TMEM132D: variants seen among roughly 807,000 people sequenced by gnomAD.
TMEM132D encodes the protein mature OL transmembrane protein.
Under a neutral mutation model 62.3 loss-of-function variants are expected in TMEM132D, and 21 were observed. The ratio of observed to expected loss-of-function variants is 0.34; its 90% CI spans 0.24 to 0.49. The LOEUF (loss-of-function observed/expected upper bound fraction) is 0.49, where lower values mean the gene tolerates loss of function less well. TMEM132D is among the 20% of genes least tolerant of loss of function. The pLI is 0.99. For missense variants in TMEM132D, 1,346 were observed against 1,402.8 expected (o/e 0.96, Z 0.65); for synonymous variants, 621 against 575.6 (o/e 1.08, Z -1.13).
At chr12:129,472,112 A>T (rs1874108777) in intron 3 of TMEM132D, among the ~76,000 whole-genome samples, 1 of 152,270 alleles carries the variant, frequency 6.6e-6, no homozygotes, top group East Asian at 1.9e-4. Flanking sequence ...ACTGAACTAC[A>T]GATTTGCCAT....
At chr12:129,554,851 G>T (rs1044790608) in intron 2 of TMEM132D, among the ~76,000 whole-genome samples, 1 of 152,162 alleles carries the variant, frequency 6.6e-6, no homozygotes, top group Non-Finnish European at 1.5e-5. Context: ...AACTAGATCA[G>T]ATTCTCCTTC....
chr12:129,229,521 A>T (rs1879578109), intron 4 of TMEM132D, among the ~76,000 whole-genome samples: 1 of 152,230 alleles, frequency 6.6e-6, no homozygotes, highest in Non-Finnish European at 1.5e-5. Flanking sequence ...ATGGGTTCTC[A>T]GTCCTCTACT....
intron 5 of TMEM132D, among the ~76,000 whole-genome samples, chr12:129,191,582 G>C (rs1206387093): frequency 6.6e-6 from 1 of 151,534 alleles, no homozygotes; most frequent in African/African-American, 2.4e-5. Flanking sequence ...TTTCTCCTCT[G>C]TAAAGGAAAC....
At chr12:129,513,709 T>G (rs1875566920) in intron 3 of TMEM132D, among the ~76,000 whole-genome samples, 1 of 151,272 alleles carries the variant, frequency 6.6e-6, no homozygotes. Flanking sequence ...ATGGTCTCGA[T>G]CTCCTGACCT....
intron 1 of TMEM132D, among the ~76,000 whole-genome samples, chr12:129,782,773 T>TTCTGATAAATCCAGGTAAG (rs1174850531): frequency 6.6e-6 from 1 of 151,852 alleles, no homozygotes; most frequent in Non-Finnish European, 1.5e-5. Context: ...ACAGGTGTAT[T>TTCTGATAAATCCAGGTAAG]TCTGATAAAT....
At chr12:129,692,929 C>G (rs114124324) in intron 2 of TMEM132D, among the ~76,000 whole-genome samples, 2,013 of 152,172 alleles carry the variant, frequency 0.013, 57 homozygotes, top group African/African-American at 0.044. Context: ...TGCAGCAAAC[C>G]ACCACGGCAC....
At chr12:129,650,946 G>A (rs1331738040) in intron 2 of TMEM132D, among the ~76,000 whole-genome samples, 1 of 152,234 alleles carries the variant, frequency 6.6e-6, no homozygotes, top group Non-Finnish European at 1.5e-5. Context: ...AAGGAGGCAT[G>A]TCTAAGCCCT....
intron 4 of TMEM132D, among the ~76,000 whole-genome samples, chr12:129,297,789 G>A (rs989772349): frequency 1.3e-5 from 2 of 152,104 alleles, no homozygotes; most frequent in South Asian, 2.1e-4. Context: ...TGATTTCCTC[G>A]TCAGGCTGCA....
At position 129,075,075 on chromosome 12, in the gene TMEM132D, T is replaced by C; in HGVS notation, c.2116-16A>G. 1.3e-6 allele frequency: 2 copies of C among 1,588,424 alleles called. No homozygotes were observed. Among genetic ancestry groups the C allele is most frequent in the Admixed American group, 1.7e-5 (1 of 58,122 alleles). The stretch of plus-strand genomic sequence containing the variant: ...TGGCTGCTTCCTATGGAGAAAAATA[T>C]GTAAGTTAATCAAATGGGCCAAAAA... On this transcript the variant is annotated splice_polypyrimidine_tract_variant and intron_variant, in intron 8 of 8. Transcript: ENST00000422113.
intron 3 of TMEM132D, among the ~76,000 whole-genome samples, chr12:129,417,315 G>A (rs1185923418): frequency 6.6e-6 from 1 of 152,164 alleles, no homozygotes; most frequent in Admixed American, 6.6e-5. Context: ...CAAGGCTGCA[G>A]TAACCAAAAC....
At chr12:129,809,782 T>G (rs892192990) in intron 1 of TMEM132D, among the ~76,000 whole-genome samples, 3 of 152,054 alleles carry the variant, frequency 2.0e-5, no homozygotes, top group African/African-American at 7.3e-5. Context: ...AAAATATACA[T>G]GATGAAAAGT....
chr12:129,624,822 G>A (rs1208630389), intron 2 of TMEM132D, among the ~76,000 whole-genome samples: 2 of 152,020 alleles, frequency 1.3e-5, no homozygotes, highest in African/African-American at 4.8e-5. Context: ...AGGGCAGAGT[G>A]AACCAGACAG....
At chr12:129,652,777 C>T (rs901653280) in intron 2 of TMEM132D, among the ~76,000 whole-genome samples, 1 of 152,234 alleles carries the variant, frequency 6.6e-6, no homozygotes, top group African/African-American at 2.4e-5. Context: ...GTGCTGCTTT[C>T]AGCCACCAAA....
At chr12:129,809,324 A>AAT (rs1555233118) in intron 1 of TMEM132D, among the ~76,000 whole-genome samples, 5 of 126,268 alleles carry the variant, frequency 4.0e-5, no homozygotes, top group Admixed American at 8.2e-5. Flanking sequence ...AAAAAAAAAA[A>AAT]TTTTTTTTTG....
In TMEM132D at chr12:129,371,402, T is replaced by TATG. The variant is rs553035533; in HGVS notation, c.1116-33588_1116-33586dup. 2.7e-5 allele frequency among the ~76,000 whole-genome samples: 4 copies of TATG among 149,864 alleles called. No homozygotes were observed. The highest frequency in any genetic ancestry group is 2.0e-4 in the Admixed American group (3 of 15,064). Reference sequence around the variant, plus strand: ...GATGATGAATGATGATGGTGGTGATTATGATGATGATGATGGTGATAATGG... The same window carrying TATG: ...GATGATGAATGATGATGGTGGTGATTATGATGATGATGATGATGGTGATAATGG... On this transcript the variant is annotated intron_variant, in intron 3 of 8. Transcript: ENST00000422113. This position sits in a 1 kb window ranked among gnomAD's most constrained non-coding sequence, Gnocchi z 4.3.
chr12:129,338,866 C>T (rs887986887), intron 3 of TMEM132D, among the ~76,000 whole-genome samples: 1 of 152,020 alleles, frequency 6.6e-6, no homozygotes, highest in Non-Finnish European at 1.5e-5. Flanking sequence ...CAGAGATAAA[C>T]GGTGGGGCTT....
Position 129,241,953 on chromosome 12 carries a change from T to C in TMEM132D, c.1300-32290A>G, listed in dbSNP as rs957521829. Among the ~76,000 whole-genome samples the C allele has an allele frequency of 1.1e-4, 16 of 152,306 alleles. No individual in the cohort carries two copies. In the South Asian group the frequency reaches 2.9e-3, roughly 28 times the overall value. On this transcript the variant is annotated intron_variant, in intron 4 of 8. Transcript: ENST00000422113. ...TATTTAAACAACAGAAAAAAATGCA[T>C]TGGACCCTGTAATTGCACTATTCTG...
intron 2 of TMEM132D, among the ~76,000 whole-genome samples, chr12:129,534,531 T>A (rs1023879006): frequency 2.0e-5 from 3 of 152,148 alleles, no homozygotes; most frequent in Non-Finnish European, 4.4e-5. Context: ...AAGTACAGCA[T>A]CCAGGGTTCA....
intron 1 of TMEM132D, among the ~76,000 whole-genome samples, chr12:129,756,688 T>C (rs1565974999): frequency 1.3e-5 from 2 of 152,216 alleles, no homozygotes; most frequent in Non-Finnish European, 2.9e-5. Context: ...TTATGTGGGA[T>C]GTATATTTTA....
Sources: allele counts gnomAD v4.1 joint callset (sites outside exome capture counted in the v4.1 genomes callset), GRCh38; gene constraint gnomAD v4.1.1; non-coding constraint Gnocchi (gnomAD v3.1); transcripts MANE v1.5; gene names NCBI Gene and HGNC (gene_info 2026-07-23, HGNC 2026-07-21).